Variants in DHRS11 observed in about 807,000 individuals in gnomAD.
DHRS11 encodes dehydrogenase/reductase 11, also known as dehydrogenase/reductase SDR family member 11.
A neutral mutation model predicts 30.7 loss-of-function variants in DHRS11; 18 were observed. That is an observed-to-expected ratio of 0.59 (90% CI 0.41 to 0.87). DHRS11 has a LOEUF of 0.87. Ranked by LOEUF, DHRS11 falls within the 40% of genes least tolerant of loss-of-function variation. The pLI, the probability that DHRS11 is intolerant of heterozygous loss-of-function variation, is 0.00. For missense variants in DHRS11, 300 were observed against 349.0 expected, an observed-to-expected ratio of 0.86 and a Z score of 1.12; for synonymous variants, 123 against 139.6, an observed-to-expected ratio of 0.88 and a Z score of 0.84.
chr17:36,599,573 C>T, intron 4 of DHRS11, 98 bp from the exon 5 acceptor site: 1 of 1,263,390 alleles, frequency 7.9e-7, no homozygotes, highest in African/African-American at 1.5e-5. Flanking sequence ...GCAGCCATCA[C>T]TGTGAAGCTG....
chr17:36,598,623 C>T (rs1337552093), intron 3 of DHRS11: 6 of 510,076 alleles, frequency 1.2e-5, no homozygotes, highest in Non-Finnish European at 2.1e-5. Context: ...TGAGATGTCC[C>T]AATAGAACCG....
rs1243028428 is a variant in DHRS11, at chr17:36,595,434, T to C, written c.357+254T>C. Among the ~76,000 whole-genome samples the C allele has an allele frequency of 2.1e-5, 3 of 143,936 alleles. No individual in the cohort carries two copies. In the East Asian group the frequency reaches 6.3e-4, roughly 30 times the overall value. 94.4% of individuals were successfully genotyped at this position (143,936 alleles called of 152,430 possible). On this transcript the variant is annotated intron_variant, in intron 2 of 6. Coordinates refer to ENST00000618403, the MANE Select transcript of DHRS11 (RefSeq NM_024308.4). Reference sequence around the variant, plus strand: ...TCTTTTTTTTTTTTTTTTTTTTTTTTTTTGAGATAGAGTCTTGCTTTGTCA... The same window carrying C: ...TCTTTTTTTTTTTTTTTTTTTTTTTCTTTGAGATAGAGTCTTGCTTTGTCA...
At chr17:36,594,735 G>C in intron 1 of DHRS11, 1 of 593,734 alleles carries the variant, frequency 1.7e-6, no homozygotes, top group Non-Finnish European at 3.0e-6. Context: ...TTTATAGTGA[G>C]GTTTCTCCAT....
In DHRS11 at chr17:36,600,628, G is replaced by GC. The variant is rs2074852653; in HGVS notation, c.*429dup. On this transcript the variant is annotated 3_prime_UTR_variant, in exon 7 of 7. Coordinates refer to ENST00000618403, the MANE Select transcript of DHRS11 (RefSeq NM_024308.4). ...GGGCTCCAGACTTCCTCCTCTGCCT[G>GC]CCCCACTGCACCCTCTCCCCCTTAT... is the stretch of plus-strand genomic sequence containing the variant. 1 of 266,790 alleles carries GC rather than the reference G, an allele frequency of 3.7e-6. No individual in the cohort carries two copies. Among genetic ancestry groups the GC allele is most frequent in the Non-Finnish European group, 7.3e-6 (1 of 137,430 alleles). The allele number at this position is 266,790 out of a possible 1,614,324, so 16.5% of individuals were successfully genotyped here.
At chr17:36,598,035 T>G (rs931685954) in intron 2 of DHRS11, 128 bp from the exon 3 acceptor site, 654 of 889,848 alleles carry the variant, frequency 7.3e-4, no homozygotes, top group East Asian at 1.5e-3. Flanking sequence ...CTGTGGCTGG[T>G]CTCCGGGGGG....
chr17:36,598,272 C>T lies in DHRS11; in HGVS notation c.452+15C>T. The T allele has an allele frequency of 6.2e-7, 1 of 1,612,034 alleles. No individual in the cohort carries two copies. The highest frequency in any genetic ancestry group is 1.1e-5 in the South Asian group (1 of 91,028). ...AACATCAATAGGTGAGGGCAGGTGGCCAATGGGTACCACTCACCCACCAGG... is the reference window on the plus strand; with the variant it reads ...AACATCAATAGGTGAGGGCAGGTGGTCAATGGGTACCACTCACCCACCAGG... On this transcript the variant is annotated intron_variant, in intron 3 of 6. Coordinates refer to ENST00000618403, the MANE Select transcript of DHRS11 (RefSeq NM_024308.4).
rs757538114 is a variant in DHRS11 at position 36,600,047 on chromosome 17, G to C, written c.741+10G>C. On this transcript the variant is annotated intron_variant, in intron 6 of 6. Transcript: ENST00000618403. ...CCCCGCACACATCCAGGTGAGTCTG[G>C]CCCTGACTGTCTACTCACTGGAGGA... 3 of 1,613,696 alleles carry C rather than the reference G, an allele frequency of 1.9e-6. No individual in the cohort carries two copies. The highest frequency in any genetic ancestry group is 2.2e-5 in the South Asian group (2 of 90,990).
At chr17:36,596,162 AT>A (rs34285767) in intron 2 of DHRS11, 45,339 of 147,646 alleles carry the variant, frequency 0.31, 8,059 homozygotes, top group Non-Finnish European at 0.41. Context: ...ATTTGATGAA[AT>A]TTTTTTTTTT....
At chr17:36,599,402 C>T in intron 4 of DHRS11, 1 of 575,604 alleles carries the variant, frequency 1.7e-6, no homozygotes, top group South Asian at 2.2e-5. Flanking sequence ...CTCCCTAAGC[C>T]TCGGCCTTCT....
In DHRS11 at chr17:36,592,588, G is replaced by C. The variant is rs1431854325; in HGVS notation, c.147+432G>C. Reference sequence around the variant, plus strand: ...GTTGGGGTGGGAGCTTTACTGAAGAGCCTCAGCCCCGCCCCCTCACCTCGG... The same window carrying C: ...GTTGGGGTGGGAGCTTTACTGAAGACCCTCAGCCCCGCCCCCTCACCTCGG... On this transcript the variant is annotated intron_variant, in intron 1 of 6. Transcript: ENST00000618403. The surrounding 1 kb of genome is among the most constrained non-coding windows in gnomAD (Gnocchi z 4.4). Among the ~76,000 whole-genome samples, 6 of 152,172 alleles carry C rather than the reference G, an allele frequency of 3.9e-5. No individual in the cohort carries two copies. The highest frequency in any genetic ancestry group is 7.4e-5 in the Non-Finnish European group (5 of 68,020).
chr17:36,598,405 A>C, intron 3 of DHRS11, 148 bp downstream of exon 3: 1 of 764,786 alleles, frequency 1.3e-6, no homozygotes, highest in Non-Finnish European at 2.1e-6. Context: ...GGAAAGAATA[A>C]TGTTGTCAAG....
Position 36,591,966 on chromosome 17 carries a change from C to T in DHRS11, c.-44C>T. On this transcript the variant is annotated 5_prime_UTR_variant, in exon 1 of 7. Transcript: ENST00000618403. Reference sequence around the variant, plus strand: ...CGGCCGGGCGTCAGCTCCTCGACCCCCGTGTCGGGCTAGTCCAGCGAGGCG... The same window carrying T: ...CGGCCGGGCGTCAGCTCCTCGACCCTCGTGTCGGGCTAGTCCAGCGAGGCG... 1 of 1,222,754 alleles carries T rather than the reference C, an allele frequency of 8.2e-7. No individual in the cohort carries two copies. The highest frequency in any genetic ancestry group is 1.0e-6 in the Non-Finnish European group (1 of 982,326). The allele number at this position is 1,222,754 out of a possible 1,614,324, so 75.7% of individuals were successfully genotyped here. A position where few individuals can be genotyped will look rare whatever the true frequency, so the allele number is the denominator to read the frequency against.
rs144045722 is a variant in DHRS11, at chr17:36,592,963, C to T, written c.147+807C>T. Among the ~76,000 whole-genome samples, 185 of 152,190 alleles carry T rather than the reference C, an allele frequency of 1.2e-3. 1 individual carries two copies. Among genetic ancestry groups the T allele is most frequent in the African/African-American group, 4.3e-3 (180 of 41,504 alleles). The stretch of plus-strand genomic sequence containing the variant: ...AGGGTAAGGAGGCCTTGGGTGGGGG[C>T]AGAGGGAGAAGGTATACAGGAAGGA... On this transcript the variant is annotated intron_variant, in intron 1 of 6. Transcript: ENST00000618403. The surrounding 1 kb of genome is among the most constrained non-coding windows in gnomAD (Gnocchi z 4.4).
intron 1 of DHRS11, among the ~76,000 whole-genome samples, chr17:36,593,305 C>A (rs1310990518): frequency 6.6e-6 from 1 of 152,176 alleles, no homozygotes; most frequent in East Asian, 1.9e-4. Flanking sequence ...GAGGAGAATG[C>A]CCCTGTTGTG....
intron 3 of DHRS11, chr17:36,598,515 C>G (rs1163923788): frequency 1.1e-5 from 6 of 560,672 alleles, no homozygotes; most frequent in Admixed American, 9.8e-5. Flanking sequence ...TTCCTCAGGC[C>G]TGGGGATGAA....
intron 4 of DHRS11, 181 bp from the exon 5 acceptor site, chr17:36,599,490 T>C (rs2074838298): frequency 3.2e-6 from 2 of 622,664 alleles, no homozygotes; most frequent in Non-Finnish European, 5.7e-6. Context: ...GGAAAGGCTC[T>C]GTAGATGGTA....
Position 36,599,701 on chromosome 17 carries a change from T to A in DHRS11, c.613T>A (p.Phe205Ile). 6.2e-7 allele frequency: 1 copy of A among 1,614,092 alleles called. No individual in the cohort carries two copies. Residue 205 changes from phenylalanine to isoleucine, a missense_variant, in exon 5 of 7, where the codon TTC (phenylalanine) becomes ATC (isoleucine). Coordinates refer to ENST00000618403, the MANE Select transcript of DHRS11 (RefSeq NM_024308.4). ...CTCTCCAGGTGTGGTGGAGACACAA[T>A]TCGCCTTCAAACTCCACGACAAGGA... ...CISPGVVETQFAFKLHDKDPE... is the reference protein window; with the variant it reads ...CISPGVVETQIAFKLHDKDPE...
intron 2 of DHRS11, 132 bp from the exon 3 acceptor site, chr17:36,598,031 C>A: frequency 1.2e-6 from 1 of 858,722 alleles, no homozygotes; most frequent in Non-Finnish European, 1.9e-6. Flanking sequence ...GTGCCTGTGG[C>A]TGGTCTCCGG....
At position 36,600,022 on chromosome 17, in the gene DHRS11, C is replaced by A. The variant is rs764775223; in HGVS notation, c.726C>A (p.Thr242=). 1 of 1,613,826 alleles carries A rather than the reference C, an allele frequency of 6.2e-7. No individual in the cohort carries two copies. Among genetic ancestry groups the A allele is most frequent in the Admixed American group, 1.7e-5 (1 of 59,972 alleles). The change falls in exon 6 of 7, where the codon ACC becomes ACA. Residue 242 remains threonine, a synonymous_variant. Transcript: ENST00000618403. ...VAEAVIYVLS[T]PAHIQIGDIQ... ...AGGCTGTTATCTACGTCCTCAGCAC[C>A]CCCGCACACATCCAGGTGAGTCTGG...
Sources: allele counts gnomAD v4.1 joint callset (sites outside exome capture counted in the v4.1 genomes callset), GRCh38; gene constraint gnomAD v4.1.1; non-coding constraint Gnocchi (gnomAD v3.1); transcripts MANE v1.5; gene names NCBI Gene and HGNC (gene_info 2026-07-23, HGNC 2026-07-21).